ASXL3: variants seen among roughly 807,000 people sequenced by gnomAD.
ASXL3 encodes the protein ASXL transcriptional regulator 3, also known as putative Polycomb group protein ASXL3.
ASXL3 carries 34 observed loss-of-function variants against 170.6 expected under a neutral mutation model. That is an observed-to-expected ratio of 0.20 (90% CI 0.15 to 0.27). ASXL3 has a LOEUF of 0.27. Ranked by LOEUF, ASXL3 falls within the 10% of genes least tolerant of loss-of-function variation. The probability of loss-of-function intolerance (pLI) is 1.00; values close to 1 mark genes in which losing one functional copy is unlikely to be tolerated. For missense variants in ASXL3, 2,592 were observed against 2,695.3 expected, an observed-to-expected ratio of 0.96 and a Z score of 0.85; for synonymous variants, 1,002 against 989.1, an observed-to-expected ratio of 1.01 and a Z score of -0.24.
chr18:33,604,997 A>G (rs1212617976), intron 1 of ASXL3, among the ~76,000 whole-genome samples: 4 of 152,062 alleles, frequency 2.6e-5, no homozygotes, highest in African/African-American at 9.7e-5. Flanking sequence ...AGGTATTTGC[A>G]TGCTCTCTGG....
At chr18:33,738,189 A>G (rs1599561776) in intron 10 of ASXL3, among the ~76,000 whole-genome samples, 1 of 152,118 alleles carries the variant, frequency 6.6e-6, no homozygotes, top group East Asian at 1.9e-4. Context: ...ATTTTCTAAT[A>G]CTTTGTTGTA....
In ASXL3 at chr18:33,748,122, G is replaced by C. The variant is rs1034300340; in HGVS notation, c.*1527G>C. Reference sequence around the variant, plus strand: ...TGTAGAATTTAAAAAGCAAACATGGGGGGGGTGGGGAATCATCTGTATCCA... The same window carrying C: ...TGTAGAATTTAAAAAGCAAACATGGCGGGGGTGGGGAATCATCTGTATCCA... On this transcript the variant is annotated 3_prime_UTR_variant, in exon 12 of 12. Transcript: ENST00000269197. 16 of 152,044 alleles carry C rather than the reference G, an allele frequency of 1.1e-4. No individual in the cohort carries two copies. Among genetic ancestry groups the C allele is most frequent in the Admixed American group, 6.6e-4 (10 of 15,266 alleles). 9.4% of individuals were successfully genotyped at this position (152,044 alleles called of 1,614,324 possible).
chr18:33,726,338 G>A (rs1210345717), intron 8 of ASXL3, among the ~76,000 whole-genome samples: 1 of 151,990 alleles, frequency 6.6e-6, no homozygotes, highest in Non-Finnish European at 1.5e-5. Context: ...TTTTTTCCTG[G>A]ATTATTGTAA....
At chr18:33,671,362 A>C (rs2066338798) in intron 6 of ASXL3, among the ~76,000 whole-genome samples, 3 of 152,178 alleles carry the variant, frequency 2.0e-5, no homozygotes, top group Admixed American at 2.0e-4. Context: ...GCTATTTATA[A>C]AGGTATAATC....
intron 7 of ASXL3, among the ~76,000 whole-genome samples, chr18:33,673,698 G>A (rs1386254947): frequency 6.6e-6 from 1 of 152,082 alleles, no homozygotes; most frequent in African/African-American, 2.4e-5. Flanking sequence ...GTACCTTGAA[G>A]TCCATGCTCA....
At chr18:33,675,712 T>C (rs531441894) in intron 7 of ASXL3, among the ~76,000 whole-genome samples, 1 of 152,088 alleles carries the variant, frequency 6.6e-6, no homozygotes, top group African/African-American at 2.4e-5. Flanking sequence ...GAGTTTCACT[T>C]GGGCCTTAGC....
chr18:33,600,401 A>G (rs1236237667), intron 1 of ASXL3, among the ~76,000 whole-genome samples: 3 of 152,152 alleles, frequency 2.0e-5, no homozygotes, highest in Non-Finnish European at 4.4e-5. Context: ...AAAGGAAAGC[A>G]TAATGTTTAC....
intron 8 of ASXL3, among the ~76,000 whole-genome samples, chr18:33,707,813 A>T (rs138086074): frequency 0.013 from 1,938 of 152,096 alleles, 37 homozygotes; most frequent in African/African-American, 0.044. Context: ...TATTTTATAG[A>T]TGCTTTCTGT....
chr18:33,592,355 C>T (rs1444344416), intron 1 of ASXL3, among the ~76,000 whole-genome samples: 1 of 152,170 alleles, frequency 6.6e-6, no homozygotes, highest in Admixed American at 6.5e-5. Flanking sequence ...GATATTACCT[C>T]ATAAGCATTA....
At chr18:33,721,942 A>T (rs1360529663) in intron 8 of ASXL3, among the ~76,000 whole-genome samples, 2 of 151,974 alleles carry the variant, frequency 1.3e-5, no homozygotes, top group Non-Finnish European at 2.9e-5. Flanking sequence ...TTTTTATTAT[A>T]ATATATTTCA....
In ASXL3 at chr18:33,745,681, G is replaced by A. The variant is rs201957855; in HGVS notation, c.5833G>A (p.Ala1945Thr). Residue 1945 changes from alanine to threonine, a missense_variant, in exon 12 of 12, where the codon GCA becomes ACA. Physicochemically the swap from Ala to Thr is moderately conservative, Grantham distance 58. This residue lies in a region of ASXL3 where 2,246 missense variants were observed against 2,219.6 expected (regional missense o/e 1.01). Coordinates refer to ENST00000269197, the MANE Select transcript of ASXL3 (RefSeq NM_030632.3). ...GGCTGCCAGGGGCCCCATTCCTACT[G>A]CAGCTCTGTTACAGGCCTCTTCCAA... is the stretch of plus-strand genomic sequence containing the variant. ...PVAARGPIPTAALLQASSKTP... is the reference protein window; with the variant it reads ...PVAARGPIPTTALLQASSKTP... 1.2e-6 allele frequency: 2 copies of A among 1,613,934 alleles called. No homozygotes were observed. The highest frequency in any genetic ancestry group is 1.3e-5 in the African/African-American group (1 of 75,030).
At chr18:33,613,986 G>A (rs951130063) in intron 2 of ASXL3, among the ~76,000 whole-genome samples, 1 of 152,114 alleles carries the variant, frequency 6.6e-6, no homozygotes, top group African/African-American at 2.4e-5. Flanking sequence ...CTGGTAGAGA[G>A]AGTCTTGTCT....
chr18:33,745,736 T>C lies in ASXL3; in HGVS notation c.5888T>C (p.Phe1963Ser). 1 of 1,614,002 alleles carries C rather than the reference T, an allele frequency of 6.2e-7. No individual in the cohort carries two copies. The highest frequency in any genetic ancestry group is 8.5e-7 in the Non-Finnish European group (1 of 1,179,892). The change falls in exon 12 of 12, where the codon TTC becomes TCC. Residue 1963 changes from phenylalanine (F) to serine (S), a missense_variant. Phe to Ser is a radical substitution (Grantham distance 155, BLOSUM62 -2). Transcript: ENST00000269197. ...KTPVGCNAFA[F>S]NRHLEQKGLG... Reference sequence around the variant, plus strand: ...CCAGTGGGGTGTAATGCATTTGCCTTCAACAGGCATCTTGAACAGAAGGGA... The same window carrying C: ...CCAGTGGGGTGTAATGCATTTGCCTCCAACAGGCATCTTGAACAGAAGGGA...
intron 7 of ASXL3, among the ~76,000 whole-genome samples, chr18:33,673,285 TC>T (rs2066374090): frequency 6.6e-6 from 1 of 152,084 alleles, no homozygotes; most frequent in South Asian, 2.1e-4. Context: ...CACAGGGGCA[TC>T]CCCATTTATT....
intron 8 of ASXL3, among the ~76,000 whole-genome samples, chr18:33,688,749 G>T (rs1243340516): frequency 2.0e-5 from 3 of 152,164 alleles, no homozygotes; most frequent in Admixed American, 2.0e-4. Context: ...ACTAAGTAAG[G>T]TATCTTTCAT....
intron 1 of ASXL3, among the ~76,000 whole-genome samples, chr18:33,601,443 T>C (rs1032299272): frequency 6.6e-5 from 10 of 152,024 alleles, no homozygotes; most frequent in Non-Finnish European, 1.0e-4. Context: ...TCTGATGTCT[T>C]ATCTAACATC....
intron 8 of ASXL3, among the ~76,000 whole-genome samples, chr18:33,697,288 A>G (rs1443873095): frequency 1.3e-5 from 2 of 152,118 alleles, no homozygotes; most frequent in African/African-American, 4.8e-5. Context: ...TGGGCTATGC[A>G]AGGTTCTAGA....
At chr18:33,645,098 T>C in intron 3 of ASXL3, 96 bp downstream of exon 3, 1 of 681,970 alleles carries the variant, frequency 1.5e-6, no homozygotes, top group Admixed American at 2.7e-5. Context: ...AGTAGAAGAA[T>C]GACTCCTATG....
intron 2 of ASXL3, among the ~76,000 whole-genome samples, chr18:33,611,912 CT>C (rs1599394266): frequency 6.6e-6 from 1 of 151,828 alleles, no homozygotes; most frequent in Admixed American, 6.6e-5. Flanking sequence ...GATGCCATGT[CT>C]TACGTAATTT....
Sources: allele counts gnomAD v4.1 joint callset (sites outside exome capture counted in the v4.1 genomes callset), GRCh38; gene constraint gnomAD v4.1.1; regional missense constraint gnomAD v4.1.1; transcripts MANE v1.5; gene names NCBI Gene and HGNC (gene_info 2026-07-23, HGNC 2026-07-21).